KIAA1217: variants seen among roughly 807,000 people sequenced by gnomAD.
KIAA1217 encodes the protein KIAA1217.
In KIAA1217, 88 loss-of-function variants were observed where a neutral mutation model predicts 163.9. The observed-to-expected ratio is 0.54, with a 90% CI of 0.45 to 0.64. KIAA1217 has a LOEUF of 0.64. KIAA1217 is among the 30% of genes least tolerant of loss of function. The pLI, the probability that KIAA1217 is intolerant of heterozygous loss-of-function variation, is 0.00. For missense variants in KIAA1217, 2,372 were observed against 2,475.0 expected (o/e 0.96, Z 0.88); for synonymous variants, 903 against 923.1 (o/e 0.98, Z 0.39).
chr10:24,238,567 C>G (rs1262045309), intron 2 of KIAA1217, among the ~76,000 whole-genome samples: 2 of 152,096 alleles, frequency 1.3e-5, no homozygotes, highest in Admixed American at 1.3e-4. Flanking sequence ...TTCTCCACAC[C>G]TTTTCCTACC....
intron 5 of KIAA1217, among the ~76,000 whole-genome samples, chr10:24,458,818 T>G (rs538635382): frequency 1.2e-3 from 182 of 152,244 alleles, no homozygotes; most frequent in African/African-American, 4.3e-3. Context: ...AATAGAGAAA[T>G]TCTAGATAAT....
intron 2 of KIAA1217, among the ~76,000 whole-genome samples, chr10:24,359,832 A>G (rs2049705158): frequency 6.6e-6 from 1 of 152,000 alleles, no homozygotes; most frequent in African/African-American, 2.4e-5. Context: ...TATTATTGTT[A>G]TATCAACTAT....
intron 1 of KIAA1217, among the ~76,000 whole-genome samples, chr10:23,869,465 G>A (rs1840357463): frequency 1.3e-5 from 2 of 152,022 alleles, no homozygotes; most frequent in Non-Finnish European, 2.9e-5. Context: ...TGCTGTCTGA[G>A]CATCTCTTTT....
chr10:24,374,927 C>T (rs1430512572), intron 2 of KIAA1217, among the ~76,000 whole-genome samples: 1 of 152,104 alleles, frequency 6.6e-6, no homozygotes, highest in African/African-American at 2.4e-5. Flanking sequence ...TGGAACTACA[C>T]GTGTGCAGCA....
intron 1 of KIAA1217, among the ~76,000 whole-genome samples, chr10:23,840,719 A>AT (rs1838732895): frequency 6.6e-6 from 1 of 152,184 alleles, no homozygotes; most frequent in South Asian, 2.1e-4. Context: ...AGATGTGTTT[A>AT]TTGTAAGTTA....
chr10:24,210,256 A>T (rs1202299155), intron 1 of KIAA1217, among the ~76,000 whole-genome samples: 1 of 152,230 alleles, frequency 6.6e-6, no homozygotes, highest in African/African-American at 2.4e-5. Context: ...AAGCTAAGCC[A>T]GTCAGGAGAA....
intron 2 of KIAA1217, among the ~76,000 whole-genome samples, chr10:24,194,400 A>C (rs2066885544): frequency 7.3e-6 from 1 of 137,228 alleles, no homozygotes; most frequent in Non-Finnish European, 1.6e-5. Flanking sequence ...TTGCCCAGGC[A>C]GACCTCAACC....
In KIAA1217 at chr10:23,810,385, CTATA is replaced by C. The variant is rs200168618; in HGVS notation, c.-321+115160_-321+115163del. On this transcript the variant is annotated intron_variant, in intron 1 of 18. Transcript: ENST00000376462. ...TATAGTATATATTCTAGTCCATATA[CTATA>C]TATATATACTCTCTCTATAATATAT... Among the ~76,000 whole-genome samples, 38 of 143,414 alleles carry C rather than the reference CTATA, an allele frequency of 2.6e-4. 1 individual carries two copies. Among genetic ancestry groups the C allele is most frequent in the African/African-American group, 9.7e-4 (38 of 39,202 alleles). The allele number at this position is 143,414 out of a possible 152,430, so 94.1% of individuals were successfully genotyped here. A position where few individuals can be genotyped will look rare whatever the true frequency, so the allele number is the denominator to read the frequency against.
chr10:24,107,932 A>G (rs2062694695), intron 2 of KIAA1217, among the ~76,000 whole-genome samples: 1 of 152,182 alleles, frequency 6.6e-6, no homozygotes, highest in Non-Finnish European at 1.5e-5. Flanking sequence ...AAAAAATGAA[A>G]TATTAATGGT....
intron 5 of KIAA1217, among the ~76,000 whole-genome samples, chr10:24,439,221 G>A (rs1387741684): frequency 6.6e-6 from 1 of 152,106 alleles, no homozygotes; most frequent in Non-Finnish European, 1.5e-5. Flanking sequence ...ACATTCCTCT[G>A]TAGCAAAACT....
At chr10:23,954,004 A>C (rs758905265) in intron 1 of KIAA1217, among the ~76,000 whole-genome samples, 5 of 152,218 alleles carry the variant, frequency 3.3e-5, no homozygotes, top group Non-Finnish European at 7.3e-5. Flanking sequence ...CTATGAAACC[A>C]ACAATCGTTT....
intron 2 of KIAA1217, among the ~76,000 whole-genome samples, chr10:24,020,390 T>C (rs1263759723): frequency 6.6e-6 from 1 of 152,006 alleles, no homozygotes; most frequent in Non-Finnish European, 1.5e-5. Flanking sequence ...TGATAAGAAA[T>C]GAATGAGTAA....
intron 3 of KIAA1217, among the ~76,000 whole-genome samples, chr10:24,387,888 C>T (rs1197119495): frequency 6.6e-6 from 1 of 151,554 alleles, no homozygotes; most frequent in African/African-American, 2.4e-5. Flanking sequence ...CAAACCACTT[C>T]TCAACGAAAT....
intron 1 of KIAA1217, among the ~76,000 whole-genome samples, chr10:23,860,346 T>C (rs186607079): frequency 6.6e-6 from 1 of 152,256 alleles, no homozygotes; most frequent in Admixed American, 6.5e-5. Flanking sequence ...TACTCCTTGC[T>C]TCTAACCTAC....
Position 24,524,601 on chromosome 10 carries a change from A to T in KIAA1217, c.2735A>T (p.His912Leu). The change falls in exon 13 of 21, where the codon CAC becomes CTC. Residue 912 changes from histidine (H) to leucine (L), a missense_variant. This residue lies in a region of KIAA1217 where 1,431 missense variants were observed against 1,470.3 expected (regional missense o/e 0.97). Transcript: ENST00000376454. ...CTGAACCCTGCTCAGAACTTGCCTC[A>T]CGTGGCCAGCTCCCCAGCCGTCCCC... is the stretch of plus-strand genomic sequence containing the variant. ...ALLNPAQNLP[H>L]VASSPAVPQE... The T allele has an allele frequency of 6.2e-7, 1 of 1,614,034 alleles. No individual in the cohort carries two copies. The highest frequency in any genetic ancestry group is 8.5e-7 in the Non-Finnish European group (1 of 1,180,024).
intron 2 of KIAA1217, among the ~76,000 whole-genome samples, chr10:24,312,127 C>T (rs529689878): frequency 4.6e-5 from 7 of 152,188 alleles, no homozygotes; most frequent in Non-Finnish European, 5.9e-5. Context: ...GTGCCACTCA[C>T]ACCCGAGATG....
At chr10:24,129,728 T>C (rs77913155) in intron 2 of KIAA1217, among the ~76,000 whole-genome samples, 1,814 of 152,302 alleles carry the variant, frequency 0.012, 37 homozygotes, top group African/African-American at 0.042. Context: ...TAATTGCCTC[T>C]TACCCATTCC....
intron 19 of KIAA1217, 130 bp downstream of exon 19, chr10:24,544,611 C>T: frequency 1.9e-6 from 2 of 1,051,082 alleles, no homozygotes; most frequent in East Asian, 2.6e-5. Context: ...TGTCTGTTCG[C>T]CATGAAACCC....
intron 4 of KIAA1217, among the ~76,000 whole-genome samples, chr10:24,437,281 C>T (rs1463918645): frequency 6.6e-6 from 1 of 152,170 alleles, no homozygotes; most frequent in Non-Finnish European, 1.5e-5. Flanking sequence ...CTGGTTCCCC[C>T]TCAAGCCGAC....
Sources: allele counts gnomAD v4.1 joint callset (sites outside exome capture counted in the v4.1 genomes callset), GRCh38; gene constraint gnomAD v4.1.1; regional missense constraint gnomAD v4.1.1; transcripts MANE v1.5; gene names NCBI Gene and HGNC (gene_info 2026-07-23, HGNC 2026-07-21).